Variants in CCDC73 observed in about 807,000 individuals in gnomAD.
CCDC73 encodes the protein coiled-coil domain containing 73.
In CCDC73, 95 loss-of-function variants were observed where a neutral mutation model predicts 116.5. The observed-to-expected ratio is 0.82, with a 90% CI of 0.69 to 0.97. The LOEUF (loss-of-function observed/expected upper bound fraction) is 0.97, where lower values mean the gene tolerates loss of function less well. Ranked by LOEUF, CCDC73 falls within the 50% of genes least tolerant of loss-of-function variation. The pLI, the probability that CCDC73 is intolerant of heterozygous loss-of-function variation, is 0.00. For synonymous variants in CCDC73, 398 were observed against 401.3 expected, an observed-to-expected ratio of 0.99 and a Z score of 0.10; for missense variants, 1,066 against 1,206.8, an observed-to-expected ratio of 0.88 and a Z score of 1.73.
intron 14 of CCDC73, among the ~76,000 whole-genome samples, chr11:32,621,371 C>A (rs1314646372): frequency 6.6e-6 from 1 of 152,106 alleles, no homozygotes; most frequent in Non-Finnish European, 1.5e-5. Flanking sequence ...TAAGACCACA[C>A]GTCTACAACC....
At chr11:32,670,756 T>G (rs1856031200) in intron 9 of CCDC73, among the ~76,000 whole-genome samples, 2 of 152,198 alleles carry the variant, frequency 1.3e-5, no homozygotes, top group Admixed American at 1.3e-4. Context: ...ATTGAAAACA[T>G]GGAGCTGTTA....
At chr11:32,775,628 T>C (rs1332050138) in intron 1 of CCDC73, among the ~76,000 whole-genome samples, 1 of 152,184 alleles carries the variant, frequency 6.6e-6, no homozygotes, top group Non-Finnish European at 1.5e-5. Flanking sequence ...TAAATATTAG[T>C]TGAATATTAA....
chr11:32,649,858 A>G (rs1229757065), intron 12 of CCDC73, among the ~76,000 whole-genome samples: 1 of 152,198 alleles, frequency 6.6e-6, no homozygotes, highest in Non-Finnish European at 1.5e-5. Flanking sequence ...TGCATTTTTA[A>G]TATCTTTACT....
upstream of CCDC73, among the ~76,000 whole-genome samples, chr11:32,798,025 G>A (rs1341131252): frequency 6.6e-6 from 1 of 152,158 alleles, no homozygotes; most frequent in African/African-American, 2.4e-5. Context: ...TAAAAATATT[G>A]TATAAAATCA....
At chr11:32,688,839 A>C (rs900007857) in intron 6 of CCDC73, among the ~76,000 whole-genome samples, 7 of 152,222 alleles carry the variant, frequency 4.6e-5, no homozygotes, top group Non-Finnish European at 5.9e-5. Flanking sequence ...AAGTTAACAT[A>C]CAGCTGAAGT....
chr11:32,686,003 A>C (rs1166486059), intron 6 of CCDC73, among the ~76,000 whole-genome samples: 1 of 151,868 alleles, frequency 6.6e-6, no homozygotes, highest in Non-Finnish European at 1.5e-5. Context: ...TAGAGGCGTG[A>C]GCCACCGCGC....
Position 32,642,010 on chromosome 11 carries a change from T to C in CCDC73, c.1012A>G (p.Asn338Asp). The change falls in exon 13 of 18, where the codon AAT (asparagine) becomes GAT (aspartate). Residue 338 changes from asparagine (N) to aspartate (D), a missense_variant. Asn to Asp is a conservative substitution (Grantham distance 23, BLOSUM62 1). Coordinates refer to ENST00000335185, the MANE Select transcript of CCDC73 (RefSeq NM_001008391.4). ...ENEEKFLNLQ[N>D]EHEKALGTWK... ...GTTCCTAGTGCTTTTTCATGCTCAT[T>C]TTGAAGATTAAGAAACTTTTCTTCA... 6.4e-7 allele frequency: 1 copy of C among 1,565,792 alleles called. No individual in the cohort carries two copies. The highest frequency in any genetic ancestry group is 8.7e-7 in the Non-Finnish European group (1 of 1,154,436).
intron 3 of CCDC73, among the ~76,000 whole-genome samples, chr11:32,710,452 T>C (rs1162138097): frequency 6.6e-6 from 1 of 152,220 alleles, no homozygotes; most frequent in South Asian, 2.1e-4. Flanking sequence ...CCAATGATCA[T>C]TCAGGAGCCG....
intron 1 of CCDC73, among the ~76,000 whole-genome samples, chr11:32,791,330 T>C (rs1850673823): frequency 6.6e-6 from 1 of 152,236 alleles, no homozygotes; most frequent in Non-Finnish European, 1.5e-5. Context: ...CCAAAGTATG[T>C]TCTAAGGGGC....
At chr11:32,810,638 G>C in the CCDC73 span, among the ~76,000 whole-genome samples, 2 of 152,118 alleles carry the variant, frequency 1.3e-5, no homozygotes, top group Non-Finnish European at 2.9e-5. Context: ...AATAATAAGA[G>C]AAAATATGTA....
At chr11:32,652,019 T>TAA (rs1855830109) in intron 12 of CCDC73, among the ~76,000 whole-genome samples, 1 of 152,076 alleles carries the variant, frequency 6.6e-6, no homozygotes, top group African/African-American at 2.4e-5. Context: ...ACCACTAAGG[T>TAA]TTTTTAAGAA....
intron 12 of CCDC73, among the ~76,000 whole-genome samples, chr11:32,645,575 C>A (rs923496393): frequency 4.6e-5 from 7 of 151,968 alleles, no homozygotes; most frequent in Non-Finnish European, 7.4e-5. Flanking sequence ...AGGCATGAGC[C>A]ACCACGCCTG....
intron 9 of CCDC73, among the ~76,000 whole-genome samples, chr11:32,664,035 T>G (rs1220639363): frequency 6.6e-6 from 1 of 152,228 alleles, no homozygotes; most frequent in African/African-American, 2.4e-5. Flanking sequence ...GAAGCCCAGT[T>G]GATCATGGTG....
At chr11:32,759,687 A>T (rs1850374244) in intron 2 of CCDC73, among the ~76,000 whole-genome samples, 1 of 152,212 alleles carries the variant, frequency 6.6e-6, no homozygotes, top group Non-Finnish European at 1.5e-5. Context: ...TATTTACTAC[A>T]TACATTTATT....
the CCDC73 span, among the ~76,000 whole-genome samples, chr11:32,800,657 A>G: frequency 6.6e-6 from 1 of 152,142 alleles, no homozygotes; most frequent in Non-Finnish European, 1.5e-5. Context: ...CCTTTCAGTT[A>G]ATTAAGATGG....
At chr11:32,734,325 C>T (rs1480647446) in intron 2 of CCDC73, among the ~76,000 whole-genome samples, 2 of 151,914 alleles carry the variant, frequency 1.3e-5, no homozygotes, top group African/African-American at 2.4e-5. Flanking sequence ...GATTCACAGT[C>T]GAATTCTACC....
chr11:32,795,176 G>A (rs1590652278), upstream of CCDC73, among the ~76,000 whole-genome samples: 1 of 152,110 alleles, frequency 6.6e-6, no homozygotes, highest in East Asian at 1.9e-4. Context: ...AAAAATAAAT[G>A]TTAGCCGGGT....
intron 4 of CCDC73, 59 bp downstream of exon 4, chr11:32,702,814 G>T: frequency 8.8e-7 from 1 of 1,130,146 alleles, no homozygotes; most frequent in Non-Finnish European, 1.4e-6. Context: ...AATATTCATA[G>T]GAGGGGGAGG....
intron 14 of CCDC73, among the ~76,000 whole-genome samples, chr11:32,624,232 C>T (rs1041690146): frequency 8.6e-5 from 13 of 151,660 alleles, no homozygotes; most frequent in Non-Finnish European, 1.6e-4. Flanking sequence ...CCCAGCTACC[C>T]GGGAGGCTGA....
Sources: gnomAD v4.1 joint callset for allele counts (sites outside exome capture counted in the v4.1 genomes callset) on GRCh38, gnomAD v4.1.1 for gene constraint, MANE v1.5 for transcripts, NCBI Gene and HGNC (gene_info 2026-07-23, HGNC 2026-07-21) for gene names.